Variants in GNAO1 observed in about 807,000 individuals in gnomAD.
The protein encoded by GNAO1 is guanine nucleotide-binding protein G(o) subunit alpha.
For missense variants in GNAO1, 166 were observed against 478.7 expected, an observed-to-expected ratio of 0.35 and a Z score of 6.10; for synonymous variants, 164 against 180.7, an observed-to-expected ratio of 0.91 and a Z score of 0.74.
At chr16:56,222,651 C>T (rs113850863) in intron 2 of GNAO1, among the ~76,000 whole-genome samples, 24 of 152,254 alleles carry the variant, frequency 1.6e-4, no homozygotes, top group African/African-American at 5.3e-4. Flanking sequence ...GCTTGAGGCT[C>T]GCCCTGGAGC....
chr16:56,301,299 G>A (rs1392600558), intron 3 of GNAO1: 1 of 152,226 alleles, frequency 6.6e-6, no homozygotes, highest in Non-Finnish European at 1.5e-5. Context: ...ACATACCTCA[G>A]TCAAAACAAA....
At chr16:56,242,104 G>C (rs1386717758) in intron 2 of GNAO1, among the ~76,000 whole-genome samples, 5 of 152,182 alleles carry the variant, frequency 3.3e-5, no homozygotes, top group African/African-American at 1.2e-4. Flanking sequence ...TAGCAAACAT[G>C]CATTGGACTC....
At chr16:56,213,669 A>G (rs1432129593) in intron 2 of GNAO1, among the ~76,000 whole-genome samples, 2 of 152,090 alleles carry the variant, frequency 1.3e-5, no homozygotes, top group African/African-American at 4.8e-5. Flanking sequence ...GGAGGGCCAT[A>G]CTAGAAGATG....
chr16:56,341,516 C>T (rs78929214), intron 6 of GNAO1, among the ~76,000 whole-genome samples: 2,832 of 152,334 alleles, frequency 0.019, 56 homozygotes, highest in South Asian at 0.092. Context: ...CGCGTGGTGC[C>T]GCACATAGGA....
intron 4 of GNAO1, among the ~76,000 whole-genome samples, chr16:56,329,418 A>G (rs1010293200): frequency 1.1e-4 from 16 of 152,204 alleles, no homozygotes; most frequent in African/African-American, 3.4e-4. Flanking sequence ...GGGAAGTGGT[A>G]AAAGCTGGAG....
At chr16:56,344,370 G>GAGCC (rs1288820535) in intron 6 of GNAO1, 1 of 1,030,458 alleles carries the variant, frequency 9.7e-7, no homozygotes, top group African/African-American at 1.7e-5. Flanking sequence ...GGGGTCATAG[G>GAGCC]AGCCATCCTT....
chr16:56,313,175 G>T (rs2143611817), intron 3 of GNAO1, among the ~76,000 whole-genome samples: 1 of 152,358 alleles, frequency 6.6e-6, no homozygotes, highest in Non-Finnish European at 1.5e-5. Flanking sequence ...ATTCGGTGAT[G>T]CAGGACTTTG....
intron 3 of GNAO1, among the ~76,000 whole-genome samples, chr16:56,318,010 G>A (rs1464825189): frequency 6.6e-6 from 1 of 152,224 alleles, no homozygotes; most frequent in African/African-American, 2.4e-5. Flanking sequence ...CAGCACCCCA[G>A]TTGTTGCCAC....
chr16:56,256,706 CTCTCTCTCTCTCTGTGTGTGTGTG>C (rs1403282664), intron 2 of GNAO1, among the ~76,000 whole-genome samples: 4 of 118,760 alleles, frequency 3.4e-5, no homozygotes, highest in African/African-American at 1.3e-4. Context: ...CTCTCTCTCT[CTCTCTCTCTCTCTGTGTGTGTGTG>C]TGTGTGTGTG....
chr16:56,347,435 C>T (rs2037881097), intron 6 of GNAO1: 2 of 985,458 alleles, frequency 2.0e-6, no homozygotes, highest in African/African-American at 1.7e-5. Context: ...TGGTAGGGCT[C>T]CCCATCTCCC....
chr16:56,289,673 C>T (rs1168181749), intron 3 of GNAO1, among the ~76,000 whole-genome samples: 3 of 152,112 alleles, frequency 2.0e-5, no homozygotes, highest in South Asian at 2.1e-4. Context: ...GCAGAGCATA[C>T]GGCGCAGGCT....
At chr16:56,312,031 C>T (rs1246439463) in intron 3 of GNAO1, among the ~76,000 whole-genome samples, 3 of 152,214 alleles carry the variant, frequency 2.0e-5, no homozygotes, top group Non-Finnish European at 2.9e-5. Context: ...AGGGGCCAGC[C>T]TTCCCTGACC....
Position 56,351,758 on chromosome 16 carries a change from ATG to A in GNAO1, c.877+225_877+226del, listed in dbSNP as rs2037923834. 1 of 539,982 alleles carries A rather than the reference ATG, an allele frequency of 1.9e-6. No homozygotes were observed. Among genetic ancestry groups the A allele is most frequent in the African/African-American group, 1.9e-5 (1 of 52,586 alleles). The allele number at this position is 539,982 out of a possible 1,614,324, so 33.4% of individuals were successfully genotyped here. ...GTGGAAATGGCCCCTCCTAAGATAT[ATG>A]TGTTAGGACCAAGTGACTCAGGAGT... On this transcript the variant is annotated intron_variant, in intron 7 of 8. Transcript: ENST00000262493. This position sits in a 1 kb window ranked among gnomAD's most constrained non-coding sequence, Gnocchi z 6.1.
chr16:56,249,294 G>A (rs545939227), intron 2 of GNAO1, among the ~76,000 whole-genome samples: 2 of 152,288 alleles, frequency 1.3e-5, no homozygotes, highest in South Asian at 4.1e-4. Flanking sequence ...TTGGATTCTC[G>A]AAGCTGCATA....
intron 6 of GNAO1, among the ~76,000 whole-genome samples, chr16:56,342,879 G>A (rs1375313428): frequency 2.6e-5 from 4 of 152,172 alleles, no homozygotes; most frequent in African/African-American, 9.7e-5. Flanking sequence ...TTGGGAGGCC[G>A]AGGAGGGTGG....
At chr16:56,245,931 AGGG>A (rs1285272420) in intron 2 of GNAO1, among the ~76,000 whole-genome samples, 1 of 152,130 alleles carries the variant, frequency 6.6e-6, no homozygotes, top group African/African-American at 2.4e-5. Flanking sequence ...TTGGGTGTGT[AGGG>A]GGGTAAGGGG....
At chr16:56,345,606 A>C (rs1244708988) in intron 6 of GNAO1, 7 of 985,474 alleles carry the variant, frequency 7.1e-6, no homozygotes, top group Non-Finnish European at 8.4e-6. Flanking sequence ...CCACCCCATC[A>C]GCCCAAGTCC....
At chr16:56,229,210 G>T (rs2036563908) in intron 2 of GNAO1, among the ~76,000 whole-genome samples, 2 of 151,974 alleles carry the variant, frequency 1.3e-5, no homozygotes. Context: ...TTTTTTGTTT[G>T]TTTGTTTTGA....
At chr16:56,288,784 C>A (rs1196628824) in intron 3 of GNAO1, among the ~76,000 whole-genome samples, 1 of 152,080 alleles carries the variant, frequency 6.6e-6, no homozygotes, top group East Asian at 1.9e-4. Context: ...ACCAGGCCTT[C>A]ACTTAGAACA....
Sources: gnomAD v4.1 joint callset for allele counts (sites outside exome capture counted in the v4.1 genomes callset) on GRCh38, gnomAD v4.1.1 for gene constraint, Gnocchi (gnomAD v3.1) non-coding constraint, MANE v1.5 for transcripts, NCBI Gene and HGNC (gene_info 2026-07-23, HGNC 2026-07-21) for gene names.